Variants in MAPKAP1 observed in about 807,000 individuals in gnomAD.
MAPKAP1 encodes the protein target of rapamycin complex 2 subunit MAPKAP1.
Under a neutral mutation model 65.7 loss-of-function variants are expected in MAPKAP1, and 20 were observed. That is an observed-to-expected ratio of 0.30 (90% confidence interval 0.21 to 0.44). The LOEUF (loss-of-function observed/expected upper bound fraction) is 0.44, where lower values mean the gene tolerates loss of function less well. MAPKAP1 is among the 20% of genes least tolerant of loss of function. MAPKAP1 has a pLI of 1.00. For synonymous variants in MAPKAP1, 222 were observed against 244.3 expected, an observed-to-expected ratio of 0.91 and a Z score of 0.85; for missense variants, 423 against 648.0, an observed-to-expected ratio of 0.65 and a Z score of 3.77.
rs1397228688 is a variant in MAPKAP1, at chr9:125,459,132, A to G, written c.1345+8840T>C. On this transcript the variant is annotated intron_variant, in intron 10 of 11. Coordinates refer to ENST00000265960, the MANE Select transcript of MAPKAP1 (RefSeq NM_001006617.3). Reference sequence around the variant, plus strand: ...CGGGCAGAGACGCTCTTCACCTCCCAGACGGGGTCGCGGCCGGGCAGAGGC... The same window carrying G: ...CGGGCAGAGACGCTCTTCACCTCCCGGACGGGGTCGCGGCCGGGCAGAGGC... 2.6e-3 allele frequency among the ~76,000 whole-genome samples: 371 copies of G among 143,266 alleles called. 1 individual carries two copies. The highest frequency in any genetic ancestry group is 4.3e-3 in the Non-Finnish European group (282 of 65,200). 94.0% of individuals were successfully genotyped at this position (143,266 alleles called of 152,430 possible).
intron 6 of MAPKAP1, among the ~76,000 whole-genome samples, chr9:125,548,900 T>C (rs1289867823): frequency 6.6e-6 from 1 of 152,202 alleles, no homozygotes; most frequent in African/African-American, 2.4e-5. Flanking sequence ...GACATTTGTC[T>C]GGAGTTATAT....
At chr9:125,479,945 AC>A (rs1334809797) in intron 9 of MAPKAP1, among the ~76,000 whole-genome samples, 2 of 152,178 alleles carry the variant, frequency 1.3e-5, no homozygotes, top group East Asian at 3.8e-4. Flanking sequence ...GTCAGGAAGG[AC>A]CTGAAGCACC....
chr9:125,676,502 A>C (rs1303493611), intron 1 of MAPKAP1, among the ~76,000 whole-genome samples: 1 of 151,826 alleles, frequency 6.6e-6, no homozygotes, highest in African/African-American at 2.4e-5. Context: ...ACATTACGCT[A>C]AGTGAAATAA....
At chr9:125,594,031 CTG>C (rs1189714938) in intron 4 of MAPKAP1, among the ~76,000 whole-genome samples, 2 of 152,248 alleles carry the variant, frequency 1.3e-5, no homozygotes, top group African/African-American at 4.8e-5. Flanking sequence ...ATTCCTCTTT[CTG>C]TCTCACACTC....
intron 6 of MAPKAP1, among the ~76,000 whole-genome samples, chr9:125,546,717 T>C (rs1830435153): frequency 6.6e-6 from 1 of 152,008 alleles, no homozygotes; most frequent in African/African-American, 2.4e-5. Context: ...GGAGTGCTGG[T>C]AGTGGGCAGG....
At chr9:125,699,004 T>G (rs76517296) in intron 1 of MAPKAP1, among the ~76,000 whole-genome samples, 7,667 of 152,246 alleles carry the variant, frequency 0.05, 585 homozygotes, top group African/African-American at 0.17. Flanking sequence ...GAATGTCTTA[T>G]GCCCTGAATG....
intron 6 of MAPKAP1, among the ~76,000 whole-genome samples, chr9:125,544,199 T>C (rs555071330): frequency 1.3e-5 from 2 of 151,998 alleles, no homozygotes; most frequent in East Asian, 1.9e-4. Context: ...TTAGTAGAGA[T>C]GGGTTTCACC....
At chr9:125,509,198 T>C (rs1829229649) in intron 7 of MAPKAP1, among the ~76,000 whole-genome samples, 1 of 152,160 alleles carries the variant, frequency 6.6e-6, no homozygotes, top group African/African-American at 2.4e-5. Context: ...ACTTGATCAT[T>C]ACACATTCTA....
In MAPKAP1 at chr9:125,633,696, T is replaced by C. The variant is rs185171588; in HGVS notation, c.498+23955A>G. Reference sequence around the variant, plus strand: ...TTAAACCTGTATTTCATCTAATTCATATAGAATATGAATAACATAACTAAC... The same window carrying C: ...TTAAACCTGTATTTCATCTAATTCACATAGAATATGAATAACATAACTAAC... On this transcript the variant is annotated intron_variant, in intron 4 of 11. Transcript: ENST00000265960. 2.7e-4 allele frequency among the ~76,000 whole-genome samples: 41 copies of C among 152,314 alleles called. No individual in the cohort carries two copies. In the East Asian group the frequency reaches 6.4e-3, roughly 24 times the overall value.
chr9:125,634,346 T>C (rs919319313), intron 4 of MAPKAP1, among the ~76,000 whole-genome samples: 6 of 152,210 alleles, frequency 3.9e-5, no homozygotes, highest in Non-Finnish European at 5.9e-5. Flanking sequence ...AGTTCTCTTA[T>C]TTAAAAGTCA....
intron 4 of MAPKAP1, among the ~76,000 whole-genome samples, chr9:125,654,908 T>C (rs575527926): frequency 2.6e-5 from 4 of 152,316 alleles, no homozygotes; most frequent in Admixed American, 6.5e-5. Context: ...CATAATTAAG[T>C]AGTTTTTTAG....
At chr9:125,588,975 C>T (rs1206562784) in intron 4 of MAPKAP1, among the ~76,000 whole-genome samples, 4 of 152,178 alleles carry the variant, frequency 2.6e-5, no homozygotes, top group South Asian at 4.1e-4. Flanking sequence ...GCATTTCTCA[C>T]GTCCCAGGGC....
chr9:125,658,825 T>C (rs1203039304), intron 3 of MAPKAP1, among the ~76,000 whole-genome samples: 1 of 152,192 alleles, frequency 6.6e-6, no homozygotes, highest in African/African-American at 2.4e-5. Flanking sequence ...CACTTAAAGT[T>C]TTTAAATAAA....
intron 10 of MAPKAP1, among the ~76,000 whole-genome samples, chr9:125,462,527 G>C (rs946233129): frequency 3.3e-5 from 5 of 152,236 alleles, no homozygotes; most frequent in African/African-American, 1.2e-4. Flanking sequence ...GCAGAGGTGA[G>C]ATTTCAGACC....
intron 4 of MAPKAP1, among the ~76,000 whole-genome samples, chr9:125,639,267 C>CA (rs975203973): frequency 4.0e-5 from 6 of 151,850 alleles, no homozygotes; most frequent in African/African-American, 1.5e-4. Context: ...ACAAAACAAA[C>CA]AAAAAACCAC....
chr9:125,684,718 C>G (rs73593577), intron 1 of MAPKAP1, among the ~76,000 whole-genome samples: 3,326 of 152,260 alleles, frequency 0.022, 121 homozygotes, highest in African/African-American at 0.076. Flanking sequence ...CCTTCTTCCC[C>G]TGACTACCTC....
intron 10 of MAPKAP1, among the ~76,000 whole-genome samples, chr9:125,464,123 G>GT (rs1280778283): frequency 6.0e-5 from 9 of 150,136 alleles, no homozygotes; most frequent in African/African-American, 2.2e-4. Flanking sequence ...CAGCTATTTG[G>GT]TGGGTTGAGG....
At chr9:125,625,717 C>G (rs1833098391) in intron 4 of MAPKAP1, among the ~76,000 whole-genome samples, 1 of 152,128 alleles carries the variant, frequency 6.6e-6, no homozygotes, top group Admixed American at 6.5e-5. Context: ...ATCACTTGAA[C>G]CTGGGAGACA....
chr9:125,675,393 G>T (rs1834614710), intron 1 of MAPKAP1, among the ~76,000 whole-genome samples: 1 of 152,156 alleles, frequency 6.6e-6, no homozygotes, highest in African/African-American at 2.4e-5. Flanking sequence ...ATCTATTCTA[G>T]GGAAATAGAT....
Sources: allele counts gnomAD v4.1 joint callset (sites outside exome capture counted in the v4.1 genomes callset), GRCh38; gene constraint gnomAD v4.1.1; transcripts MANE v1.5; gene names NCBI Gene and HGNC (gene_info 2026-07-23, HGNC 2026-07-21).